LRRC7: variants seen among roughly 807,000 people sequenced by gnomAD.
LRRC7 encodes leucine rich repeat containing 7.
LRRC7 carries 23 observed loss-of-function variants against 175.7 expected under a neutral mutation model. The observed-to-expected ratio is 0.13, with a 90% CI of 0.09 to 0.19. The LOEUF (loss-of-function observed/expected upper bound fraction) is 0.19. LRRC7 is among the 10% of genes least tolerant of loss of function. The pLI is 1.00. For synonymous variants in LRRC7, 685 were observed against 680.9 expected (o/e 1.01, Z -0.09); for missense variants, 1,354 against 1,904.7 (o/e 0.71, Z 5.38).
intron 1 of LRRC7, among the ~76,000 whole-genome samples, chr1:69,618,408 T>C (rs1650023952): frequency 6.6e-6 from 1 of 152,168 alleles, no homozygotes; most frequent in Non-Finnish European, 1.5e-5. Context: ...TCAGCAACTA[T>C]ACCCAAAGTT....
Position 69,922,243 on chromosome 1 carries a change from C to G in LRRC7, c.648-9264C>G, listed in dbSNP as rs1454866448. The stretch of plus-strand genomic sequence containing the variant: ...GCCCGGCACATTTTTCTTACTATTC[C>G]TGCTAACCTGCAGTTCCTTGAATGC... On this transcript the variant is annotated intron_variant, in intron 7 of 26. Coordinates refer to ENST00000651989, the MANE Select transcript of LRRC7 (RefSeq NM_001370785.2). 5.9e-5 allele frequency among the ~76,000 whole-genome samples: 9 copies of G among 152,250 alleles called. No individual in the cohort carries two copies. The East Asian group carries it at 1.7e-3, about 30-fold the overall frequency.
At chr1:69,924,794 T>C (rs943154195) in intron 7 of LRRC7, among the ~76,000 whole-genome samples, 1 of 152,198 alleles carries the variant, frequency 6.6e-6, no homozygotes, top group Non-Finnish European at 1.5e-5. Context: ...CCTTTATTTC[T>C]TTCTCATGCC....
At chr1:69,896,146 C>CT (rs1264313073) in intron 7 of LRRC7, among the ~76,000 whole-genome samples, 2 of 151,198 alleles carry the variant, frequency 1.3e-5, no homozygotes. Flanking sequence ...TAGCGTGCTT[C>CT]TTTTTTTTAA....
intron 7 of LRRC7, among the ~76,000 whole-genome samples, chr1:69,850,812 A>C (rs938139544): frequency 1.3e-5 from 2 of 152,162 alleles, no homozygotes; most frequent in Non-Finnish European, 2.9e-5. Flanking sequence ...TCTATTAAAC[A>C]ATCAGCTGTT....
chr1:70,057,380 AT>A (rs1661234137), intron 23 of LRRC7, among the ~76,000 whole-genome samples: 1 of 152,238 alleles, frequency 6.6e-6, no homozygotes, highest in Non-Finnish European at 1.5e-5. Context: ...TAATTATACT[AT>A]TAGTTATTGG....
At chr1:70,003,997 T>C (rs1655771834) in intron 11 of LRRC7, among the ~76,000 whole-genome samples, 1 of 152,194 alleles carries the variant, frequency 6.6e-6, no homozygotes, top group Non-Finnish European at 1.5e-5. Flanking sequence ...AATTCTATTT[T>C]CAAGCAGTCT....
intron 1 of LRRC7, among the ~76,000 whole-genome samples, chr1:69,622,702 A>G (rs1650824196): frequency 6.6e-6 from 1 of 152,170 alleles, no homozygotes; most frequent in Admixed American, 6.5e-5. Flanking sequence ...ATGGGACTCA[A>G]GGTCTCAGGA....
chr1:69,792,246 A>G, intron 4 of LRRC7, 86 bp downstream of exon 4: 1 of 793,780 alleles, frequency 1.3e-6, no homozygotes, highest in Non-Finnish European at 2.1e-6. Context: ...ATAATCTAAA[A>G]TAACTTTTTC....
intron 1 of LRRC7, among the ~76,000 whole-genome samples, chr1:69,586,183 T>C (rs1646396428): frequency 2.0e-5 from 3 of 152,204 alleles, no homozygotes; most frequent in Admixed American, 2.0e-4. Context: ...AATACTGACC[T>C]ACTTAAAAGA....
chr1:69,856,844 C>T (rs1186631512), intron 7 of LRRC7, among the ~76,000 whole-genome samples: 6 of 152,176 alleles, frequency 3.9e-5, no homozygotes, highest in Non-Finnish European at 7.4e-5. Flanking sequence ...CCCTGATGAA[C>T]ATCAATGCAA....
intron 8 of LRRC7, among the ~76,000 whole-genome samples, chr1:69,956,685 A>G (rs1263981559): frequency 6.6e-6 from 1 of 151,778 alleles, no homozygotes; most frequent in Non-Finnish European, 1.5e-5. Flanking sequence ...AAAACTGAAG[A>G]ATAAAAATTA....
At chr1:69,982,363 C>T (rs12028648) in intron 9 of LRRC7, among the ~76,000 whole-genome samples, 9,413 of 152,192 alleles carry the variant, frequency 0.062, 286 homozygotes, top group South Asian at 0.11. Context: ...TGGATGTTGG[C>T]GCTGGCAAAG....
chr1:69,633,242 T>TG (rs1652788824), intron 1 of LRRC7, among the ~76,000 whole-genome samples: 1 of 152,024 alleles, frequency 6.6e-6, no homozygotes, highest in Admixed American at 6.6e-5. Context: ...CTACAATTAC[T>TG]GTCCTTTTTA....
intron 1 of LRRC7, among the ~76,000 whole-genome samples, chr1:69,666,287 C>G (rs1183688748): frequency 6.6e-6 from 1 of 151,902 alleles, no homozygotes; most frequent in Non-Finnish European, 1.5e-5. Context: ...ATAGTTTTCT[C>G]TATTGATGTA....
rs145026790 is a variant in LRRC7 at position 69,785,610 on chromosome 1, A to G, written c.304-6433A>G. Among the ~76,000 whole-genome samples, 623 of 151,994 alleles carry G rather than the reference A, an allele frequency of 4.1e-3. 2 individuals carry two copies. Among genetic ancestry groups the G allele is most frequent in the Non-Finnish European group, 7.4e-3 (505 of 67,944 alleles). On this transcript the variant is annotated intron_variant, in intron 3 of 26. Coordinates refer to ENST00000651989, the MANE Select transcript of LRRC7 (RefSeq NM_001370785.2). ...AAAGTCTTTTCCACTTCTTTATCTC[A>G]TTCCATTTATTTTGTCTCTATCAAC... is the stretch of plus-strand genomic sequence containing the variant.
chr1:69,859,588 A>T (rs17131053), intron 7 of LRRC7, among the ~76,000 whole-genome samples: 16,175 of 152,020 alleles, frequency 0.11, 2,080 homozygotes, highest in African/African-American at 0.31. Flanking sequence ...GCAATTAGCA[A>T]TAATGGATTC....
At chr1:70,015,242 G>T (rs955515236) in intron 13 of LRRC7, among the ~76,000 whole-genome samples, 4 of 151,694 alleles carry the variant, frequency 2.6e-5, no homozygotes, top group Non-Finnish European at 5.9e-5. Context: ...AGCTCAGAAA[G>T]GTTACTATAT....
intron 1 of LRRC7, among the ~76,000 whole-genome samples, chr1:69,628,029 T>G (rs1013504138): frequency 6.6e-6 from 1 of 152,116 alleles, no homozygotes; most frequent in African/African-American, 2.4e-5. Context: ...TCAAAATTGT[T>G]TCCTTAATAC....
Position 69,872,007 on chromosome 1 carries a change from T to C in LRRC7, c.647+33724T>C, listed in dbSNP as rs564739752. ...TAAGATTCATGTGCACTAATTTCAG[T>C]TGTATGCAAAAATACTGTAATGAAA... On this transcript the variant is annotated intron_variant, in intron 7 of 26. Transcript: ENST00000651989. Among the ~76,000 whole-genome samples the C allele has an allele frequency of 6.6e-5, 10 of 152,140 alleles. No individual in the cohort carries two copies. In the South Asian group the frequency reaches 2.1e-3, roughly 32 times the overall value.
Sources: allele counts gnomAD v4.1 joint callset (sites outside exome capture counted in the v4.1 genomes callset), GRCh38; gene constraint gnomAD v4.1.1; transcripts MANE v1.5; gene names NCBI Gene and HGNC (gene_info 2026-07-23, HGNC 2026-07-21).